The following PCDHGC5 variants were observed in gnomAD, a reference collection of about 807,000 sequenced individuals.
PCDHGC5 encodes protocadherin gamma-C5.
In PCDHGC5, 25 loss-of-function variants were observed where a neutral mutation model predicts 59.0. That is an observed-to-expected ratio of 0.42 (90% CI 0.31 to 0.59). The LOEUF (loss-of-function observed/expected upper bound fraction) is 0.59. PCDHGC5 is among the 20% of genes least tolerant of loss of function. PCDHGC5 has a pLI of 0.13. For synonymous variants in PCDHGC5, 434 were observed against 505.5 expected (o/e 0.86, Z 1.90); for missense variants, 1,067 against 1,206.4 (o/e 0.88, Z 1.71).
rs933089146 is a variant in PCDHGC5, at chr5:141,490,786, A to G, written c.1546A>G (p.Ile516Val). ...FVYVNPEDGR[I>V]FAQRTFDYEL... is the part of the protein sequence containing the mutation. ...GTATGTCAACCCAGAGGATGGACGGATCTTTGCCCAGCGTACCTTTGACTA... is the reference window on the plus strand; with the variant it reads ...GTATGTCAACCCAGAGGATGGACGGGTCTTTGCCCAGCGTACCTTTGACTA... Residue 516 changes from isoleucine to valine, a missense_variant, in exon 1 of 4, where the codon ATC becomes GTC. Coordinates refer to ENST00000252087, the MANE Select transcript of PCDHGC5 (RefSeq NM_018929.3). This position sits in a 1 kb window ranked among gnomAD's most constrained non-coding sequence, Gnocchi z 5.4. The G allele has an allele frequency of 1.9e-6, 3 of 1,614,056 alleles. No individual in the cohort carries two copies. The highest frequency in any genetic ancestry group is 1.7e-5 in the Admixed American group (1 of 60,016).
chr5:141,497,495 T>C (rs193075970), intron 2 of PCDHGC5, among the ~76,000 whole-genome samples: 28 of 151,186 alleles, frequency 1.9e-4, no homozygotes, highest in Admixed American at 1.7e-3. Context: ...TCTCTCTCTC[T>C]CCTCTCTCTG....
In PCDHGC5 at chr5:141,490,376, C is replaced by T. The variant is rs761956816; in HGVS notation, c.1136C>T (p.Ser379Leu). 2 of 1,614,184 alleles carry T rather than the reference C, an allele frequency of 1.2e-6. No individual in the cohort carries two copies. The highest frequency in any genetic ancestry group is 1.7e-6 in the Non-Finnish European group (2 of 1,180,036). Reference protein sequence around the residue: ...VGLFNVRDRDSGRNGEVSLDI... With the variant: ...VGLFNVRDRDLGRNGEVSLDI... ...TTGTTTAATGTGCGAGACCGGGACT[C>T]AGGTAGAAATGGTGAAGTGAGCCTT... is the stretch of plus-strand genomic sequence containing the variant. Residue 379 changes from serine to leucine, a missense_variant, in exon 1 of 4, where the codon TCA (serine) becomes TTA (leucine). Physicochemically the swap from Ser to Leu is moderately radical, Grantham distance 145. Transcript: ENST00000252087. The surrounding 1 kb of genome is among the most constrained non-coding windows in gnomAD (Gnocchi z 5.4).
intron 3 of PCDHGC5, among the ~76,000 whole-genome samples, chr5:141,509,015 C>T (rs1370464396): frequency 6.6e-6 from 1 of 152,098 alleles, no homozygotes; most frequent in East Asian, 1.9e-4. Flanking sequence ...AAGTGGGCAG[C>T]TGCTCCCTCC....
In PCDHGC5 at chr5:141,491,634, C is replaced by T; in HGVS notation, c.2394C>T (p.Pro798=). The change falls in exon 1 of 4, where the codon CCC becomes CCT. Residue 798 remains proline, a synonymous_variant. Coordinates refer to ENST00000252087, the MANE Select transcript of PCDHGC5 (RefSeq NM_018929.3). This position sits in a 1 kb window ranked among gnomAD's most constrained non-coding sequence, Gnocchi z 6.9. ...TAAGACCCCTCAGCGTTCAGCAGCC[C>T]ACAGCTCTGGCGCTGGAGCCTGACG... The part of the protein sequence containing the change: ...TFLRPLSVQQ[P]TALALEPDAI... 1 of 1,613,892 alleles carries T rather than the reference C, an allele frequency of 6.2e-7. No individual in the cohort carries two copies. Among genetic ancestry groups the T allele is most frequent in the South Asian group, 1.1e-5 (1 of 91,084 alleles).
chr5:141,492,274 A>C (rs2099739010), intron 1 of PCDHGC5, among the ~76,000 whole-genome samples: 1 of 152,024 alleles, frequency 6.6e-6, no homozygotes, highest in Non-Finnish European at 1.5e-5. Flanking sequence ...CGGGCTCGCC[A>C]CGCCCCGCCA....
chr5:141,512,917 T>C lies in PCDHGC5; in HGVS notation c.*1744T>C, dbSNP rs543880225. On this transcript the variant is annotated 3_prime_UTR_variant, in exon 4 of 4. Transcript: ENST00000252087. ...TGTGTCTCACGCAAGTTTTATACTCTAATATTTATATGGCTTTTTTTCTTC... is the reference window on the plus strand; with the variant it reads ...TGTGTCTCACGCAAGTTTTATACTCCAATATTTATATGGCTTTTTTTCTTC... The C allele has an allele frequency of 1.3e-5, 2 of 152,378 alleles. No individual in the cohort carries two copies. Among genetic ancestry groups the C allele is most frequent in the African/African-American group, 2.4e-5 (1 of 41,588 alleles). The allele number at this position is 152,378 out of a possible 1,614,324, so 9.4% of individuals were successfully genotyped here.
intron 3 of PCDHGC5, among the ~76,000 whole-genome samples, chr5:141,507,521 C>G (rs2099861196): frequency 6.6e-6 from 1 of 151,972 alleles, no homozygotes; most frequent in African/African-American, 2.4e-5. Flanking sequence ...GGCTATGATT[C>G]CAGAGAGGCC....
At chr5:141,510,272 T>TAAAA (rs546154379) in intron 3 of PCDHGC5, among the ~76,000 whole-genome samples, 4 of 130,388 alleles carry the variant, frequency 3.1e-5, no homozygotes, top group Non-Finnish European at 4.9e-5. Context: ...GACTCCATCT[T>TAAAA]AAAAAAAAAA....
In PCDHGC5 at chr5:141,512,237, G is replaced by A. The variant is rs2099884134; in HGVS notation, c.*1064G>A. ...AGGACCAGGTCCCCTTGAGAGGTCA[G>A]AGGGGCCTCTGTGGGTGCTGGGTAC... On this transcript the variant is annotated 3_prime_UTR_variant, in exon 4 of 4. Transcript: ENST00000252087. 1 of 152,774 alleles carries A rather than the reference G, an allele frequency of 6.5e-6. No homozygotes were observed. The highest frequency in any genetic ancestry group is 1.5e-5 in the Non-Finnish European group (1 of 68,148). The allele number at this position is 152,774 out of a possible 1,614,324, so 9.5% of individuals were successfully genotyped here.
At position 141,511,106 on chromosome 5, in the gene PCDHGC5, G is replaced by T. The variant is rs536900646; in HGVS notation, c.2768G>T (p.Arg923Leu). ...NATLTNAAGK[R>L]DGKAPAGGNG... is the part of the protein sequence containing the mutation. Reference sequence around the variant, plus strand: ...ACACTGACCAACGCAGCTGGCAAGCGGGATGGCAAGGCCCCAGCAGGTGGC... The same window carrying T: ...ACACTGACCAACGCAGCTGGCAAGCTGGATGGCAAGGCCCCAGCAGGTGGC... Residue 923 changes from arginine to leucine, a missense_variant, in exon 4 of 4, where the codon CGG becomes CTG. Transcript: ENST00000252087. 8.7e-6 allele frequency: 14 copies of T among 1,614,196 alleles called. No individual in the cohort carries two copies. Among genetic ancestry groups the T allele is most frequent in the Non-Finnish European group, 1.2e-5 (14 of 1,180,016 alleles).
Position 141,489,090 on chromosome 5 carries a change from C to CCAA in PCDHGC5, c.-151_-150insCAA, listed in dbSNP as rs2099682444. 1 of 328,824 alleles carries CCAA rather than the reference C, an allele frequency of 3.0e-6. No individual in the cohort carries two copies. Among genetic ancestry groups the CCAA allele is most frequent in the Admixed American group, 6.1e-5 (1 of 16,500 alleles). The allele number at this position is 328,824 out of a possible 1,614,324, so 20.4% of individuals were successfully genotyped here. ...CCTGCCCACCCCCGCCACTCGGTGA[C>CCAA]TAAGAACTGCTGCAAGCAGGCAAAC... On this transcript the variant is annotated 5_prime_UTR_variant, in exon 1 of 4. Transcript: ENST00000252087. This position sits in a 1 kb window ranked among gnomAD's most constrained non-coding sequence, Gnocchi z 4.5.
At chr5:141,502,480 AC>A (rs145333712) in intron 2 of PCDHGC5, among the ~76,000 whole-genome samples, 7,822 of 152,242 alleles carry the variant, frequency 0.051, 439 homozygotes, top group African/African-American at 0.14. Flanking sequence ...GCAGCATCAC[AC>A]TGGGACTCAT....
In PCDHGC5 at chr5:141,490,673, C is replaced by T; in HGVS notation, c.1433C>T (p.Ala478Val). ...PPGSLLCTVAASDPDTGDNAR... is the reference protein window; with the variant it reads ...PPGSLLCTVAVSDPDTGDNAR... ...GGCTCCCTTCTTTGCACTGTGGCTG[C>T]CTCAGATCCAGACACTGGGGATAAT... Residue 478 changes from alanine (A) to valine (V), a missense_variant, in exon 1 of 4, where the codon GCC (alanine) becomes GTC (valine). By Grantham distance (64) the Ala-to-Val change is moderately conservative. Coordinates refer to ENST00000252087, the MANE Select transcript of PCDHGC5 (RefSeq NM_018929.3). This position sits in a 1 kb window ranked among gnomAD's most constrained non-coding sequence, Gnocchi z 5.4. 1.2e-6 allele frequency: 2 copies of T among 1,614,126 alleles called. No homozygotes were observed. The highest frequency in any genetic ancestry group is 1.7e-6 in the Non-Finnish European group (2 of 1,179,952).
intron 1 of PCDHGC5, 96 bp from the exon 2 acceptor site, chr5:141,494,711 A>G (rs757105958): frequency 6.3e-7 from 1 of 1,599,616 alleles, no homozygotes; most frequent in Non-Finnish European, 8.5e-7. Flanking sequence ...CTCTGTGCCC[A>G]CTCCCCTCCT....
In PCDHGC5 at chr5:141,499,676, C is replaced by G. The variant is rs534287777; in HGVS notation, c.2519+4811C>G. On this transcript the variant is annotated intron_variant, in intron 2 of 3. Coordinates refer to ENST00000252087, the MANE Select transcript of PCDHGC5 (RefSeq NM_018929.3). Reference sequence around the variant, plus strand: ...ATAATTTCATCTTGGTCTCCACCATCTTTAACAGATGACTTTTTTTTTTTT... The same window carrying G: ...ATAATTTCATCTTGGTCTCCACCATGTTTAACAGATGACTTTTTTTTTTTT... Among the ~76,000 whole-genome samples, 13 of 144,474 alleles carry G rather than the reference C, an allele frequency of 9.0e-5. No homozygotes were observed. In the South Asian group the frequency reaches 2.9e-3, roughly 33 times the overall value. The allele number at this position is 144,474 out of a possible 152,430, so 94.8% of individuals were successfully genotyped here.
intron 2 of PCDHGC5, among the ~76,000 whole-genome samples, chr5:141,502,382 T>C (rs1668612742): frequency 1.3e-5 from 2 of 152,088 alleles, no homozygotes; most frequent in Non-Finnish European, 2.9e-5. Context: ...CCAGGCCAGT[T>C]GTACTTTAAA....
At chr5:141,496,630 T>C (rs2099770022) in intron 2 of PCDHGC5, among the ~76,000 whole-genome samples, 1 of 152,202 alleles carries the variant, frequency 6.6e-6, no homozygotes, top group Non-Finnish European at 1.5e-5. Context: ...TCAAAAGGCT[T>C]GGGCTGCCCT....
In PCDHGC5 at chr5:141,490,291, C is replaced by T; in HGVS notation, c.1051C>T (p.Leu351=). 6.2e-7 allele frequency: 1 copy of T among 1,614,212 alleles called. No homozygotes were observed. Among genetic ancestry groups the T allele is most frequent in the Non-Finnish European group, 8.5e-7 (1 of 1,180,048 alleles). Residue 351 remains leucine, a synonymous_variant, in exon 1 of 4, where the codon CTA becomes TTA. Transcript: ENST00000252087. The surrounding 1 kb of genome is among the most constrained non-coding windows in gnomAD (Gnocchi z 5.4). ...TGTCAATGACAATGCCCCAGAGGTG[C>T]TATTGGCCTCTTTGGCCAACCCTGT... The part of the protein sequence containing the change: ...GDVNDNAPEV[L]LASLANPVLE...
intron 2 of PCDHGC5, among the ~76,000 whole-genome samples, chr5:141,503,598 C>CAA (rs765754054): frequency 1.5e-4 from 10 of 65,698 alleles, no homozygotes; most frequent in African/African-American, 2.3e-4. Context: ...GACTCCAGCT[C>CAA]AAAAAAAAAA....
Sources: allele counts gnomAD v4.1 joint callset (sites outside exome capture counted in the v4.1 genomes callset), GRCh38; gene constraint gnomAD v4.1.1; non-coding constraint Gnocchi (gnomAD v3.1); transcripts MANE v1.5; gene names NCBI Gene and HGNC (gene_info 2026-07-23, HGNC 2026-07-21).